The following ATP6V0A4 variants were observed in gnomAD, a reference collection of about 807,000 sequenced individuals.
ATP6V0A4 encodes the protein V-type proton ATPase 116 kDa subunit a 4.
In ATP6V0A4, 86 loss-of-function variants were observed where a neutral mutation model predicts 107.3. The ratio of observed to expected loss-of-function variants is 0.80; its 90% CI spans 0.67 to 0.96. ATP6V0A4 has a LOEUF of 0.96. Among genes scored for constraint, ATP6V0A4 ranks in the 40% least tolerant of loss-of-function variants. The pLI, the probability that ATP6V0A4 is intolerant of heterozygous loss-of-function variation, is 0.00. For missense variants in ATP6V0A4, 908 were observed against 1,045.6 expected, an observed-to-expected ratio of 0.87 and a Z score of 1.81; for synonymous variants, 353 against 381.4, an observed-to-expected ratio of 0.93 and a Z score of 0.87.
chr7:138,788,207 C>T (rs1434079827), intron 1 of ATP6V0A4, among the ~76,000 whole-genome samples: 6 of 152,070 alleles, frequency 3.9e-5, no homozygotes, highest in Non-Finnish European at 8.8e-5. Flanking sequence ...AGCTTATTTC[C>T]AAAAACTTTA....
chr7:138,755,767 G>C lies in ATP6V0A4; in HGVS notation c.738C>G (p.Val246=). 6.2e-7 allele frequency: 1 copy of C among 1,613,564 alleles called. No individual in the cohort carries two copies. The highest frequency in any genetic ancestry group is 8.5e-7 in the Non-Finnish European group (1 of 1,180,028). ...CCACCGCAGGCTCTGGGCAAGGGTA[G>C]ACAGTGGCTCGAAACCTGTGTTTAA... ...KKICDGFRAT[V]YPCPEPAVER... is the part of the protein sequence containing the mutation. The change falls in exon 10 of 22, where the codon GTC becomes GTG. Residue 246 remains valine (V), a synonymous_variant. Coordinates refer to ENST00000310018, the MANE Select transcript of ATP6V0A4 (RefSeq NM_020632.3).
At chr7:138,726,372 G>C (rs1252724119) in intron 18 of ATP6V0A4, among the ~76,000 whole-genome samples, 1 of 152,246 alleles carries the variant, frequency 6.6e-6, no homozygotes, top group African/African-American at 2.4e-5. Flanking sequence ...ATAGCAGCAA[G>C]TCAGAAGGGG....
Position 138,707,365 on chromosome 7 carries a change from A to ATATATATATTTATATATATATTATAT in ATP6V0A4, c.2430-649_2430-648insATATAATATATATATAAATATATATA, listed in dbSNP as rs1803494978. On this transcript the variant is annotated intron_variant, in intron 21 of 21. Transcript: ENST00000310018. ...TATATATTATAATATATATTATATT[A>ATATATATATTTATATATATATTATAT]TATATATATTTATATATATATAAAA... Among the ~76,000 whole-genome samples, 9 of 98,154 alleles carry ATATATATATTTATATATATATTATAT rather than the reference A, an allele frequency of 9.2e-5. No individual in the cohort carries two copies. The South Asian group carries it at 1.9e-3, about 21-fold the overall frequency. 64.4% of individuals were successfully genotyped at this position (98,154 alleles called of 152,430 possible). A position where few individuals can be genotyped will look rare whatever the true frequency, so the allele number is the denominator to read the frequency against.
intron 6 of ATP6V0A4, among the ~76,000 whole-genome samples, 196 bp downstream of exon 6, chr7:138,762,704 C>T (rs1447604362): frequency 6.6e-6 from 1 of 152,088 alleles, no homozygotes; most frequent in African/African-American, 2.4e-5. Flanking sequence ...TTTTACTGAG[C>T]ACCATAATAT....
chr7:138,725,525 T>G (rs943546273), intron 18 of ATP6V0A4, among the ~76,000 whole-genome samples: 1 of 152,140 alleles, frequency 6.6e-6, no homozygotes, highest in Non-Finnish European at 1.5e-5. Context: ...CTTTTTTTTT[T>G]TTTGAGACGG....
intron 13 of ATP6V0A4, 103 bp from the exon 14 acceptor site, chr7:138,745,383 C>T (rs142207130): frequency 1.3e-6 from 2 of 1,557,762 alleles, no homozygotes; most frequent in African/African-American, 1.4e-5. Flanking sequence ...GTGCAGGCAC[C>T]CTTGGGGGAG....
rs369486474 is a variant in ATP6V0A4, at chr7:138,734,152, T to A, written c.1675A>T (p.Ser559Cys). ...IVQMVFGVIL[S>C]LFNHIYFRRT... ...GAAACTTACATGTGATTGAAAAGGC[T>A]GAGGATGACACCGAAAACCATCTGG... Residue 559 changes from serine to cysteine, a missense_variant, in exon 16 of 22, where the codon AGC becomes TGC. Ser to Cys is a moderately radical substitution (Grantham distance 112). Coordinates refer to ENST00000310018, the MANE Select transcript of ATP6V0A4 (RefSeq NM_020632.3). 6.2e-7 allele frequency: 1 copy of A among 1,612,842 alleles called. No homozygotes were observed. Among genetic ancestry groups the A allele is most frequent in the African/African-American group, 1.3e-5 (1 of 75,014 alleles).
intron 2 of ATP6V0A4, among the ~76,000 whole-genome samples, chr7:138,777,103 C>T (rs1036145515): frequency 3.3e-5 from 5 of 151,082 alleles, no homozygotes; most frequent in Non-Finnish European, 7.4e-5. Context: ...GAGCCGAGAT[C>T]GCACCACAGC....
intron 20 of ATP6V0A4, among the ~76,000 whole-genome samples, chr7:138,712,900 C>T (rs1263622082): frequency 5.9e-5 from 9 of 152,102 alleles, no homozygotes; most frequent in African/African-American, 2.2e-4. Context: ...AACATTACCA[C>T]CACTGACTGC....
intron 9 of ATP6V0A4, 166 bp from the exon 10 acceptor site, chr7:138,755,948 C>G: frequency 8.1e-7 from 1 of 1,240,244 alleles, no homozygotes; most frequent in South Asian, 1.4e-5. Context: ...CATAAGGGTT[C>G]CCAGTACGTC....
chr7:138,726,480 C>A (rs555471254), intron 18 of ATP6V0A4, among the ~76,000 whole-genome samples: 1 of 152,220 alleles, frequency 6.6e-6, no homozygotes, highest in Non-Finnish European at 1.5e-5. Context: ...AGGGCCACGC[C>A]ACAGGCGGCC....
At chr7:138,730,821 C>G (rs557533991) in intron 17 of ATP6V0A4, among the ~76,000 whole-genome samples, 1 of 152,208 alleles carries the variant, frequency 6.6e-6, no homozygotes, top group African/African-American at 2.4e-5. Context: ...TCATGGTTAC[C>G]ATCTGTGATA....
chr7:138,770,502 A>T (rs574353176), intron 3 of ATP6V0A4, among the ~76,000 whole-genome samples: 1 of 152,348 alleles, frequency 6.6e-6, no homozygotes, highest in African/African-American at 2.4e-5. Context: ...CTGTGTGAAG[A>T]ACTAGGGATG....
rs142912230 is a variant in ATP6V0A4 at position 138,791,887 on chromosome 7, C to T, written c.-120-5627G>A. The stretch of plus-strand genomic sequence containing the variant: ...CAGAAATAAATTAAGAACAATAAAC[C>T]GGTAAACATGTAAATAAATTTAATA... On this transcript the variant is annotated intron_variant, in intron 1 of 21. Coordinates refer to ENST00000310018, the MANE Select transcript of ATP6V0A4 (RefSeq NM_020632.3). 2.5e-3 allele frequency among the ~76,000 whole-genome samples: 387 copies of T among 152,106 alleles called. 1 individual carries two copies. The highest frequency in any genetic ancestry group is 8.6e-3 in the African/African-American group (356 of 41,500).
chr7:138,794,071 G>A (rs1010884953), intron 1 of ATP6V0A4, among the ~76,000 whole-genome samples: 5 of 152,176 alleles, frequency 3.3e-5, no homozygotes, highest in African/African-American at 9.7e-5. Flanking sequence ...TCACTGAAGG[G>A]CAGGGAGTGA....
At chr7:138,718,094 A>G (rs1229101623) in intron 19 of ATP6V0A4, among the ~76,000 whole-genome samples, 2 of 49,084 alleles carry the variant, frequency 4.1e-5, no homozygotes, top group African/African-American at 1.7e-4. Context: ...CCAGGAAGGA[A>G]TGGGGGGCGG....
chr7:138,775,841 G>A (rs966407424), intron 2 of ATP6V0A4, among the ~76,000 whole-genome samples: 27 of 151,622 alleles, frequency 1.8e-4, no homozygotes, highest in Middle Eastern at 3.2e-3. Flanking sequence ...TAGTAGAGAC[G>A]GGGTTTCACC....
intron 2 of ATP6V0A4, among the ~76,000 whole-genome samples, chr7:138,776,884 C>G (rs1401313143): frequency 6.6e-6 from 1 of 152,134 alleles, no homozygotes; most frequent in Non-Finnish European, 1.5e-5. Context: ...CGGTGGCTCA[C>G]GCCTGTAATC....
At chr7:138,736,709 T>C (rs1455997613) in intron 15 of ATP6V0A4, among the ~76,000 whole-genome samples, 1 of 151,936 alleles carries the variant, frequency 6.6e-6, no homozygotes, top group Non-Finnish European at 1.5e-5. Context: ...GTAGCTGGGA[T>C]TACAGGCACC....
Sources: allele counts gnomAD v4.1 joint callset (sites outside exome capture counted in the v4.1 genomes callset), GRCh38; gene constraint gnomAD v4.1.1; transcripts MANE v1.5; gene names NCBI Gene and HGNC (gene_info 2026-07-23, HGNC 2026-07-21).